BANP: variants seen among roughly 807,000 people sequenced by gnomAD.
BANP encodes the protein protein BANP.
In BANP, 11 loss-of-function variants were observed where a neutral mutation model predicts 68.1. The ratio of observed to expected loss-of-function variants is 0.16; its 90% CI spans 0.10 to 0.27. BANP has a LOEUF of 0.27. BANP is among the 10% of genes least tolerant of loss of function. The pLI, the probability that BANP is intolerant of heterozygous loss-of-function variation, is 1.00. For missense variants in BANP, 504 were observed against 722.7 expected (o/e 0.70, Z 3.47); for synonymous variants, 329 against 303.2 (o/e 1.09, Z -0.88).
chr16:88,027,691 G>A lies in BANP; in HGVS notation c.1063+41G>A, dbSNP rs531487815. On this transcript the variant is annotated intron_variant, in intron 8 of 13. Transcript: ENST00000682872. ...CAGGAGAGGCCGCCCTCCCCCGCTC[G>A]GGGCAGCTGGCCTGGTGGCACCCTC... 60 of 1,608,178 alleles carry A rather than the reference G, an allele frequency of 3.7e-5. 1 individual carries two copies. In the South Asian group the frequency reaches 4.3e-4, roughly 12 times the overall value.
intron 6 of BANP, among the ~76,000 whole-genome samples, chr16:88,017,604 G>T (rs1304028748): frequency 5.3e-5 from 8 of 152,248 alleles, no homozygotes; most frequent in Admixed American, 5.2e-4. Context: ...GAGAGCCCAC[G>T]CTTGGGAGGG....
intron 4 of BANP, among the ~76,000 whole-genome samples, chr16:87,992,298 A>G (rs1378025568): frequency 1.3e-5 from 2 of 152,144 alleles, no homozygotes; most frequent in East Asian, 1.9e-4. Flanking sequence ...TTTGTGCAAC[A>G]TGTTAGTCTG....
Position 87,981,536 on chromosome 16 carries a change from G to C in BANP, c.162+409G>C, listed in dbSNP as rs1443750216. Among the ~76,000 whole-genome samples, 6 of 152,336 alleles carry C rather than the reference G, an allele frequency of 3.9e-5. No homozygotes were observed. In the South Asian group the frequency reaches 1.0e-3, roughly 26 times the overall value. On this transcript the variant is annotated intron_variant, in intron 3 of 13. Transcript: ENST00000682872. ...CCCAAAGAGTTTCTAAATTACATCT[G>C]CACAGTTTCCAAAGAGACCACATGG...
Position 88,018,861 on chromosome 16 carries a change from C to G in BANP, c.895+194C>G, listed in dbSNP as rs541029935. Among the ~76,000 whole-genome samples the G allele has an allele frequency of 2.8e-4, 43 of 152,330 alleles. 1 individual carries two copies. The highest frequency in any genetic ancestry group is 2.5e-3 in the Admixed American group (38 of 15,298). ...TTGACCCTGATGTGCTTATTACGCACGGCATGCCCGCACCAAAATACCTCA... is the reference window on the plus strand; with the variant it reads ...TTGACCCTGATGTGCTTATTACGCAGGGCATGCCCGCACCAAAATACCTCA... On this transcript the variant is annotated intron_variant, in intron 7 of 13. Transcript: ENST00000682872. The surrounding 1 kb of genome is among the most constrained non-coding windows in gnomAD (Gnocchi z 7.7).
chr16:88,041,195 A>T, intron 11 of BANP, among the ~76,000 whole-genome samples: 1 of 152,236 alleles, frequency 6.6e-6, no homozygotes. Context: ...TTTCAGAATC[A>T]GTGGACAGCT....
At chr16:87,956,112 T>C (rs1262489541) in intron 1 of BANP, among the ~76,000 whole-genome samples, 2 of 152,186 alleles carry the variant, frequency 1.3e-5, no homozygotes, top group African/African-American at 4.8e-5. Flanking sequence ...TGTTAGCCTT[T>C]GGGTTCCTCG....
At chr16:88,019,034 CT>C (rs67700137) in intron 7 of BANP, among the ~76,000 whole-genome samples, 104,507 of 151,940 alleles carry the variant, frequency 0.69, 37,680 homozygotes, top group Non-Finnish European at 0.82. Context: ...CCAGGCCCCC[CT>C]GAGCCTCTCC....
intron 2 of BANP, among the ~76,000 whole-genome samples, chr16:87,976,888 C>CA (rs1442220880): frequency 6.6e-6 from 1 of 152,166 alleles, no homozygotes; most frequent in Non-Finnish European, 1.5e-5. Context: ...AGGCAAATGA[C>CA]AGTTTCTTTA....
At chr16:88,050,801 C>T (rs902723144) in intron 11 of BANP, among the ~76,000 whole-genome samples, 38 of 152,332 alleles carry the variant, frequency 2.5e-4, no homozygotes, top group African/African-American at 8.7e-4. Context: ...AATCCTCCCA[C>T]CTCAGCCTCC....
In BANP at chr16:88,035,093, C is replaced by T. The variant is rs2079028877; in HGVS notation, c.1201-230C>T. ...CACCATCCACAGTTTCTGGCGTCCA[C>T]GTGGTGGGGGTAGGGGGTGCTTCTT... On this transcript the variant is annotated intron_variant, in intron 9 of 13. Transcript: ENST00000682872. The T allele has an allele frequency of 2.1e-5, 11 of 533,374 alleles. 1 individual carries two copies. In the Middle Eastern group the frequency reaches 1.6e-3, roughly 76 times the overall value. 33.0% of individuals were successfully genotyped at this position (533,374 alleles called of 1,614,324 possible).
chr16:87,953,131 G>C (rs1379504301), intron 1 of BANP, among the ~76,000 whole-genome samples: 1 of 152,024 alleles, frequency 6.6e-6, no homozygotes, highest in African/African-American at 2.4e-5. Context: ...CAGACACTAA[G>C]GGACTTGCTC....
chr16:88,061,041 G>C (rs144118711), intron 11 of BANP, among the ~76,000 whole-genome samples: 4 of 152,164 alleles, frequency 2.6e-5, no homozygotes, highest in South Asian at 2.1e-4. Context: ...CTGCTGGAAG[G>C]GGGGGTGGGC....
In BANP at chr16:87,961,411, C is replaced by CCCG. The variant is rs565847630; in HGVS notation, c.-69+9898_-69+9899insGCC. Among the ~76,000 whole-genome samples, 134 of 141,644 alleles carry CCCG rather than the reference C, an allele frequency of 9.5e-4. 7 individuals are homozygous for CCCG. Among genetic ancestry groups the CCCG allele is most frequent in the African/African-American group, 3.3e-3 (130 of 39,490 alleles). 92.9% of individuals were successfully genotyped at this position (141,644 alleles called of 152,430 possible). A position where few individuals can be genotyped will look rare whatever the true frequency, so the allele number is the denominator to read the frequency against. ...ACTCCTGGACTCACAGAATCTGCAC[C>CCCG]CCCCCGGGCCTCCCAAAGTGCTGGG... On this transcript the variant is annotated intron_variant, in intron 1 of 13. Coordinates refer to ENST00000682872, the MANE Select transcript of BANP (RefSeq NM_001386991.1).
chr16:87,952,619 CTG>C lies in BANP; in HGVS notation c.-69+1105_-69+1106del, dbSNP rs1317295925. 11 of 152,308 alleles carry C rather than the reference CTG, an allele frequency of 7.2e-5. No individual in the cohort carries two copies. In the East Asian group the frequency reaches 2.1e-3, roughly 29 times the overall value. 9.4% of individuals were successfully genotyped at this position (152,308 alleles called of 1,614,324 possible). On this transcript the variant is annotated intron_variant, in intron 1 of 13. Transcript: ENST00000682872. ...AAGCTCAGGAAACGTCAAATAAAAACTGGATCTGGTCATTTAACACGCAGCTC... is the reference window on the plus strand; with the variant it reads ...AAGCTCAGGAAACGTCAAATAAAAACGATCTGGTCATTTAACACGCAGCTC...
Position 88,076,870 on chromosome 16 carries a change from C to T in BANP, c.*209C>T. 1.8e-6 allele frequency: 1 copy of T among 559,956 alleles called. No homozygotes were observed. Among genetic ancestry groups the T allele is most frequent in the Non-Finnish European group, 3.1e-6 (1 of 318,098 alleles). The allele number at this position is 559,956 out of a possible 1,614,324, so 34.7% of individuals were successfully genotyped here. A position where few individuals can be genotyped will look rare whatever the true frequency, so the allele number is the denominator to read the frequency against. On this transcript the variant is annotated 3_prime_UTR_variant, in exon 14 of 14. Coordinates refer to ENST00000682872, the MANE Select transcript of BANP (RefSeq NM_001386991.1). ...AGCCGGAGACCCCTTTCGTTTGAGTCCTGCTGTTGGTGTCGGAGCACGAGG... is the reference window on the plus strand; with the variant it reads ...AGCCGGAGACCCCTTTCGTTTGAGTTCTGCTGTTGGTGTCGGAGCACGAGG...
chr16:88,059,556 C>T (rs12931014), intron 11 of BANP, among the ~76,000 whole-genome samples: 136 of 152,136 alleles, frequency 8.9e-4, no homozygotes, highest in African/African-American at 2.9e-3. Context: ...ACAGGACCCT[C>T]CCCATCCCCA....
intron 11 of BANP, among the ~76,000 whole-genome samples, chr16:88,045,422 G>T (rs575525121): frequency 4.6e-5 from 7 of 152,358 alleles, no homozygotes; most frequent in African/African-American, 1.7e-4. Flanking sequence ...GAACGCTTCA[G>T]TTGCAGCTGG....
intron 1 of BANP, among the ~76,000 whole-genome samples, chr16:87,964,428 C>T (rs1229383729): frequency 2.0e-5 from 3 of 149,222 alleles, no homozygotes; most frequent in Non-Finnish European, 3.0e-5. Flanking sequence ...TCACCGTTGC[C>T]GAGGCGTCCA....
At chr16:88,073,506 G>A (rs2090899773) in intron 13 of BANP, among the ~76,000 whole-genome samples, 1 of 152,208 alleles carries the variant, frequency 6.6e-6, no homozygotes, top group African/African-American at 2.4e-5. Context: ...GAGATGCGCT[G>A]GAAGCACGGT....
Sources: gnomAD v4.1 joint callset for allele counts (sites outside exome capture counted in the v4.1 genomes callset) on GRCh38, gnomAD v4.1.1 for gene constraint, Gnocchi (gnomAD v3.1) non-coding constraint, MANE v1.5 for transcripts, NCBI Gene and HGNC (gene_info 2026-07-23, HGNC 2026-07-21) for gene names.